Variants in MAP4K1 observed in about 807,000 individuals in gnomAD.
The protein encoded by MAP4K1 is mitogen-activated protein kinase kinase kinase kinase 1, also known as MAPK/ERK kinase kinase kinase 1.
Under a neutral mutation model 122.8 loss-of-function variants are expected in MAP4K1, and 35 were observed. The observed-to-expected ratio is 0.29, with a 90% CI of 0.22 to 0.38. MAP4K1 has a LOEUF of 0.38. Among genes scored for constraint, MAP4K1 ranks in the 10% least tolerant of loss-of-function variants. The pLI is 1.00. For synonymous variants in MAP4K1, 412 were observed against 421.3 expected (o/e 0.98, Z 0.27); for missense variants, 791 against 1,072.6 (o/e 0.74, Z 3.67).
intron 16 of MAP4K1, among the ~76,000 whole-genome samples, chr19:38,607,549 G>C (rs1481781550): frequency 2.5e-5 from 3 of 120,196 alleles, no homozygotes; most frequent in African/African-American, 6.3e-5. Flanking sequence ...CACAGAGTGA[G>C]ACTCCATCTC....
At chr19:38,613,457 C>T (rs1975560016) in intron 8 of MAP4K1, among the ~76,000 whole-genome samples, 1 of 151,142 alleles carries the variant, frequency 6.6e-6, no homozygotes. Context: ...CCCAGGAGTT[C>T]TAGGCTGCAG....
In MAP4K1 at chr19:38,587,736, C is replaced by T. The variant is rs1568615869; in HGVS notation, c.*12G>A. 1 of 1,611,078 alleles carries T rather than the reference C, an allele frequency of 6.2e-7. No individual in the cohort carries two copies. The highest frequency in any genetic ancestry group is 1.1e-5 in the South Asian group (1 of 91,018). On this transcript the variant is annotated 3_prime_UTR_variant, in exon 31 of 31. Transcript: ENST00000396857. ...GGGTGCAAGGACTAGTTCCTGACACCCCCCTAGGGACTCATTCCTGGATGT... is the reference window on the plus strand; with the variant it reads ...GGGTGCAAGGACTAGTTCCTGACACTCCCCTAGGGACTCATTCCTGGATGT...
chr19:38,595,133 A>G (rs1338014684), intron 29 of MAP4K1, among the ~76,000 whole-genome samples: 1 of 151,612 alleles, frequency 6.6e-6, no homozygotes, highest in Non-Finnish European at 1.5e-5. Context: ...TACTGAAAAT[A>G]CAAAAATTAG....
rs201521211 is a variant in MAP4K1 at position 38,602,909 on chromosome 19, CAT to C, written c.1447-1386_1447-1385del. ...ATATACACATGTACATATATACACA[CAT>C]GTACACATATACGCATATACATATA... On this transcript the variant is annotated intron_variant, in intron 19 of 30. Coordinates refer to ENST00000396857, the MANE Select transcript of MAP4K1 (RefSeq NM_001042600.3). 7.7e-3 allele frequency among the ~76,000 whole-genome samples: 1,133 copies of C among 147,682 alleles called. 28 individuals carry two copies. Among genetic ancestry groups the C allele is most frequent in the African/African-American group, 0.026 (1,046 of 40,106 alleles).
rs770946827 is a variant in MAP4K1, at chr19:38,617,919, G to A, written c.-24C>T. The A allele has an allele frequency of 1.3e-5, 20 of 1,599,286 alleles. No individual in the cohort carries two copies. In the Admixed American group the frequency reaches 3.3e-4, roughly 27 times the overall value. The stretch of plus-strand genomic sequence containing the variant: ...ATCCCTGGGGGCCTGAGCTGGGCCT[G>A]CGCCCAGGGGCCAGCAGGGCCTCAG... On this transcript the variant is annotated 5_prime_UTR_variant, in exon 1 of 31. Transcript: ENST00000396857. The surrounding 1 kb of genome is among the most constrained non-coding windows in gnomAD (Gnocchi z 4.1).
Position 38,597,400 on chromosome 19 carries a change from G to T in MAP4K1, c.1779-16C>A. The T allele has an allele frequency of 1.9e-6, 3 of 1,614,010 alleles. No homozygotes were observed. Among genetic ancestry groups the T allele is most frequent in the Non-Finnish European group, 2.5e-6 (3 of 1,179,978 alleles). ...CATGTTCTTCCTGGAGAATAGGTAG[G>T]TGTGAAGGGGGGTAGGACAGCAGGA... On this transcript the variant is annotated splice_polypyrimidine_tract_variant and intron_variant, in intron 23 of 30. Transcript: ENST00000396857. This position sits in a 1 kb window ranked among gnomAD's most constrained non-coding sequence, Gnocchi z 4.6.
At position 38,587,686 on chromosome 19, in the gene MAP4K1, AC is replaced by A; in HGVS notation, c.*61del. ...TATTGGGAGATGAGGACATGCCATG[AC>A]CACTAGTGTGTCTATGGGGGAGGGG... On this transcript the variant is annotated 3_prime_UTR_variant, in exon 31 of 31. Transcript: ENST00000396857. 8.0e-7 allele frequency: 1 copy of A among 1,257,452 alleles called. No homozygotes were observed. The allele number at this position is 1,257,452 out of a possible 1,614,324, so 77.9% of individuals were successfully genotyped here. A position where few individuals can be genotyped will look rare whatever the true frequency, so the allele number is the denominator to read the frequency against.
rs1430412848 is a variant in MAP4K1 at position 38,611,070 on chromosome 19, C to T, written c.791G>A (p.Ser264Asn). The change falls in exon 11 of 31, where the codon AGC (serine) becomes AAC (asparagine). Residue 264 changes from serine (S) to asparagine (N), a missense_variant. Ser to Asn is a conservative substitution (Grantham distance 46, BLOSUM62 1). Around this residue, in one of 4 missense-constraint regions of MAP4K1, gnomAD observed 303 missense variants for 344.8 expected, o/e 0.88. Transcript: ENST00000396857. ...GGTTACACTGAGCATCTTGGTGGCG[C>T]TGGGTCGTTTCTTGGGACTCTTAGT... ...TLTKSPKKRPSATKMLSHQLV... is the reference protein window; with the variant it reads ...TLTKSPKKRPNATKMLSHQLV... 3.1e-6 allele frequency: 5 copies of T among 1,612,638 alleles called. No individual in the cohort carries two copies. Among genetic ancestry groups the T allele is most frequent in the Non-Finnish European group, 1.7e-6 (2 of 1,179,502 alleles).
chr19:38,593,719 G>T (rs1974793674), intron 29 of MAP4K1, among the ~76,000 whole-genome samples: 1 of 152,098 alleles, frequency 6.6e-6, no homozygotes, highest in Non-Finnish European at 1.5e-5. Context: ...TATTTCTACT[G>T]AAAATACAAA....
rs1974561528 is a variant in MAP4K1 at position 38,587,703 on chromosome 19, G to C, written c.*45C>G. ...ATGCCATGACCACTAGTGTGTCTAT[G>C]GGGGAGGGGGTGCAAGGACTAGTTC... On this transcript the variant is annotated 3_prime_UTR_variant, in exon 31 of 31. Transcript: ENST00000396857. The C allele has an allele frequency of 7.1e-7, 1 of 1,416,014 alleles. No homozygotes were observed. Among genetic ancestry groups the C allele is most frequent in the East Asian group, 2.3e-5 (1 of 43,912 alleles). 87.7% of individuals were successfully genotyped at this position (1,416,014 alleles called of 1,614,324 possible).
At chr19:38,606,299 C>T (rs564728546) in intron 16 of MAP4K1, 84 bp from the exon 17 acceptor site, 26 of 672,674 alleles carry the variant, frequency 3.9e-5, no homozygotes, top group East Asian at 1.1e-4. Context: ...GCTGGAGGCC[C>T]GGGACTGGGG....
intron 30 of MAP4K1, among the ~76,000 whole-genome samples, chr19:38,588,515 T>A (rs532690685): frequency 1.3e-5 from 2 of 151,692 alleles, no homozygotes; most frequent in Admixed American, 6.6e-5. Flanking sequence ...ATATGGTGAA[T>A]CCCATCTCTA....
In MAP4K1 at chr19:38,587,659, T is replaced by G; in HGVS notation, c.*89A>C. ...GATGACAGCAGAGGCTAAAGTCATG[T>G]TTATTGGGAGATGAGGACATGCCAT... On this transcript the variant is annotated 3_prime_UTR_variant, in exon 31 of 31. Transcript: ENST00000396857. 9.2e-7 allele frequency: 1 copy of G among 1,083,122 alleles called. No homozygotes were observed. Among genetic ancestry groups the G allele is most frequent in the Non-Finnish European group, 1.4e-6 (1 of 702,980 alleles). 67.1% of individuals were successfully genotyped at this position (1,083,122 alleles called of 1,614,324 possible).
At chr19:38,605,340 C>A (rs1324645607) in intron 19 of MAP4K1, 69 bp downstream of exon 19, 9 of 1,162,568 alleles carry the variant, frequency 7.7e-6, no homozygotes, top group Admixed American at 2.2e-5. Context: ...CCTGCCACCC[C>A]CTCCCCACCC....
Position 38,617,364 on chromosome 19 carries a change from T to G in MAP4K1, c.238A>C (p.Ser80Arg). Residue 80 changes from serine to arginine, a missense_variant, in exon 3 of 31, where the codon AGT (serine) becomes CGT (arginine). By Grantham distance (110) the Ser-to-Arg change is moderately radical. Coordinates refer to ENST00000396857, the MANE Select transcript of MAP4K1 (RefSeq NM_001042600.3). The surrounding 1 kb of genome is among the most constrained non-coding windows in gnomAD (Gnocchi z 4.1). The part of the protein sequence containing the change: ...RHANIVAYHG[S>R]YLWLQKLWIC... ...TCTGAGGTTCATCACCAGAGATAAC[T>G]CCCATGGTAGGCCACGATGTTGGCG... 3 of 1,613,242 alleles carry G rather than the reference T, an allele frequency of 1.9e-6. No individual in the cohort carries two copies. The highest frequency in any genetic ancestry group is 1.7e-6 in the Non-Finnish European group (2 of 1,179,604).
At chr19:38,601,593 G>A in intron 19 of MAP4K1, 68 bp from the exon 20 acceptor site, 1 of 1,228,190 alleles carries the variant, frequency 8.1e-7, no homozygotes, top group Non-Finnish European at 1.2e-6. Flanking sequence ...AAGGGGCAGT[G>A]GTTACGACTT....
At position 38,617,006 on chromosome 19, in the gene MAP4K1, C is replaced by A. The variant is rs951253172; in HGVS notation, c.248+348G>T. On this transcript the variant is annotated intron_variant, in intron 3 of 30. Coordinates refer to ENST00000396857, the MANE Select transcript of MAP4K1 (RefSeq NM_001042600.3). The surrounding 1 kb of genome is among the most constrained non-coding windows in gnomAD (Gnocchi z 4.1). ...ATCACACCTGTAATCCCAGCACTTTCGGAGGCCGAGGCGAGTGGATCACAA... is the reference window on the plus strand; with the variant it reads ...ATCACACCTGTAATCCCAGCACTTTAGGAGGCCGAGGCGAGTGGATCACAA... Among the ~76,000 whole-genome samples, 1 of 151,924 alleles carries A rather than the reference C, an allele frequency of 6.6e-6. No individual in the cohort carries two copies. Among genetic ancestry groups the A allele is most frequent in the African/African-American group, 2.4e-5 (1 of 41,344 alleles).
chr19:38,617,000 C>A (rs998700714), intron 3 of MAP4K1, among the ~76,000 whole-genome samples: 5 of 152,060 alleles, frequency 3.3e-5, no homozygotes, highest in African/African-American at 9.7e-5. Context: ...GTAATCCCAG[C>A]ACTTTCGGAG....
At chr19:38,611,567 G>C (rs1478117612) in intron 9 of MAP4K1, among the ~76,000 whole-genome samples, 1 of 152,122 alleles carries the variant, frequency 6.6e-6, no homozygotes, top group Non-Finnish European at 1.5e-5. Flanking sequence ...AGGATAGCTT[G>C]AGCCCAGGAG....
Sources: allele counts gnomAD v4.1 joint callset (sites outside exome capture counted in the v4.1 genomes callset), GRCh38; gene constraint gnomAD v4.1.1; regional missense constraint gnomAD v4.1.1; non-coding constraint Gnocchi (gnomAD v3.1); transcripts MANE v1.5; gene names NCBI Gene and HGNC (gene_info 2026-07-23, HGNC 2026-07-21).